FGFR1: variants seen among roughly 807,000 people sequenced by gnomAD.
FGFR1 encodes the protein FGFR1/PLAG1 fusion.
Under a neutral mutation model 93.7 loss-of-function variants are expected in FGFR1, and 18 were observed. The observed-to-expected ratio is 0.19, with a 90% CI of 0.13 to 0.28. The LOEUF is 0.28. Ranked by LOEUF, FGFR1 falls within the 10% of genes least tolerant of loss-of-function variation. The probability of loss-of-function intolerance (pLI) is 1.00; values close to 1 mark genes in which losing one functional copy is unlikely to be tolerated. For missense variants in FGFR1, 731 were observed against 1,080.4 expected (o/e 0.68, Z 4.53); for synonymous variants, 448 against 429.3 (o/e 1.04, Z -0.54).
At chr8:38,444,980 C>T (rs1005993315) in intron 2 of FGFR1, among the ~76,000 whole-genome samples, 1 of 152,156 alleles carries the variant, frequency 6.6e-6, no homozygotes, top group African/African-American at 2.4e-5. Context: ...CAGATGACAG[C>T]TGATCACTTA....
At position 38,428,420 on chromosome 8, in the gene FGFR1, G is replaced by A. The variant is rs121913473; in HGVS notation, c.374C>T (p.Ser125Leu). 1.7e-5 allele frequency: 28 copies of A among 1,612,688 alleles called. No homozygotes were observed. The highest frequency in any genetic ancestry group is 4.5e-5 in the East Asian group (2 of 44,876). Reference protein sequence around the residue: ...SVNVSDALPSSEDDDDDDDSS... With the variant: ...SVNVSDALPSLEDDDDDDDSS... ...GTCATCATCATCATCATCATCCTCC[G>A]AGGAGGGGAGAGCATCTATGGGAAG... Residue 125 changes from serine (S) to leucine (L), a missense_variant, in exon 4 of 18, where the codon TCG becomes TTG. Physicochemically the swap from Ser to Leu is moderately radical, Grantham distance 145. Coordinates refer to ENST00000447712, the MANE Select transcript of FGFR1 (RefSeq NM_023110.3).
intron 2 of FGFR1, 159 bp from the exon 3 acceptor site, chr8:38,430,107 T>C: frequency 1.4e-6 from 1 of 708,612 alleles, no homozygotes. Context: ...GCAGTGGGAA[T>C]TGGAGCATGG....
At chr8:38,442,362 G>GGTGTGTGTGTGTGTGTGTGTGTGTGT (rs56889687) in intron 2 of FGFR1, among the ~76,000 whole-genome samples, 7 of 145,980 alleles carry the variant, frequency 4.8e-5, no homozygotes, top group East Asian at 2.0e-4. Flanking sequence ...TTGTTAAAGT[G>GGTGTGTGTGTGTGTGTGTGTGTGTGT]GTGTGTGTGT....
rs773444188 is a variant in FGFR1, at chr8:38,414,549, A to G, written c.2048+10T>C. 6.2e-7 allele frequency: 1 copy of G among 1,614,030 alleles called. No individual in the cohort carries two copies. The highest frequency in any genetic ancestry group is 8.5e-7 in the Non-Finnish European group (1 of 1,179,958). ...CCACACCTCCCTGGCAATTGCTATTACAAACTCACACATCACTCTGGTGGG... is the reference window on the plus strand; with the variant it reads ...CCACACCTCCCTGGCAATTGCTATTGCAAACTCACACATCACTCTGGTGGG... On this transcript the variant is annotated intron_variant, in intron 15 of 17. Transcript: ENST00000447712.
intron 2 of FGFR1, chr8:38,434,495 T>G: frequency 2.5e-6 from 1 of 398,368 alleles, no homozygotes; most frequent in South Asian, 2.6e-5. Flanking sequence ...GCTTGTGGAT[T>G]CTCATCTGGA....
chr8:38,444,259 G>C (rs906737528), intron 2 of FGFR1, among the ~76,000 whole-genome samples: 2 of 152,042 alleles, frequency 1.3e-5, no homozygotes. Flanking sequence ...TGGACCCAGA[G>C]ACTGCTTCAT....
Position 38,413,858 on chromosome 8 carries a change from G to A in FGFR1, c.2293-54C>T, listed in dbSNP as rs1815269052. The A allele has an allele frequency of 6.2e-7, 1 of 1,613,530 alleles. No individual in the cohort carries two copies. Among genetic ancestry groups the A allele is most frequent in the Non-Finnish European group, 8.5e-7 (1 of 1,179,622 alleles). On this transcript the variant is annotated intron_variant, in intron 17 of 17. Transcript: ENST00000447712. This position sits in a 1 kb window ranked among gnomAD's most constrained non-coding sequence, Gnocchi z 4.2. ...GGCCGGGCCCCTCCTCCCTGCTCAG[G>A]GAGGTGCGTGCACGCAGTGGGGACG... is the stretch of plus-strand genomic sequence containing the variant.
Position 38,418,282 on chromosome 8 carries a change from C to G in FGFR1, c.1376G>C (p.Gly459Ala), listed in dbSNP as rs1463733617. ...TTCGGGAAGCTCATACTCAGAGACC[C>G]CTGCTAGCATGGGAGTCCCACTGGA... ...LSSSGTPMLA[G>A]VSEYELPEDP... The change falls in exon 10 of 18, where the codon GGG becomes GCG. Residue 459 changes from glycine (G) to alanine (A), a missense_variant. Gly to Ala is a moderately conservative substitution (Grantham distance 60). This residue lies in a region of FGFR1 where 146 missense variants were observed against 173.0 expected (regional missense o/e 0.84). Transcript: ENST00000447712. 1.2e-6 allele frequency: 2 copies of G among 1,614,202 alleles called. No individual in the cohort carries two copies. The highest frequency in any genetic ancestry group is 1.7e-6 in the Non-Finnish European group (2 of 1,180,040).
chr8:38,431,078 C>G (rs1822931852), intron 2 of FGFR1, among the ~76,000 whole-genome samples: 1 of 152,336 alleles, frequency 6.6e-6, no homozygotes, highest in South Asian at 2.1e-4. Context: ...TTGGAGAGGA[C>G]TTTTCTCACC....
chr8:38,426,373 G>T lies in FGFR1; in HGVS notation c.622-128C>A. 2 of 1,365,136 alleles carry T rather than the reference G, an allele frequency of 1.5e-6. No homozygotes were observed. The highest frequency in any genetic ancestry group is 1.4e-5 in the African/African-American group (1 of 70,344). The allele number at this position is 1,365,136 out of a possible 1,614,324, so 84.6% of individuals were successfully genotyped here. A position where few individuals can be genotyped will look rare whatever the true frequency, so the allele number is the denominator to read the frequency against. On this transcript the variant is annotated intron_variant, in intron 5 of 17. Coordinates refer to ENST00000447712, the MANE Select transcript of FGFR1 (RefSeq NM_023110.3). The surrounding 1 kb of genome is among the most constrained non-coding windows in gnomAD (Gnocchi z 4.1). ...GGTGGCACAGGGCCCCAGGCTGCAG[G>T]GTTGGCTAGGACAAGGCGTGGATTG...
At chr8:38,416,269 T>A (rs371432013) in intron 12 of FGFR1, among the ~76,000 whole-genome samples, 1 of 152,060 alleles carries the variant, frequency 6.6e-6, no homozygotes, top group African/African-American at 2.4e-5. Flanking sequence ...CCGAGCAACA[T>A]TGGGGTAAGA....
chr8:38,467,874 C>A (rs960522928), intron 1 of FGFR1, 107 bp downstream of exon 1: 2 of 227,670 alleles, frequency 8.8e-6, no homozygotes, highest in African/African-American at 4.5e-5. Context: ...GAGGCGCCGG[C>A]CCCGGCTGGG....
intron 1 of FGFR1, among the ~76,000 whole-genome samples, chr8:38,459,395 C>T (rs1027753698): frequency 6.6e-6 from 1 of 152,204 alleles, no homozygotes; most frequent in South Asian, 2.1e-4. Context: ...GCGGGATACA[C>T]ATGCCACACC....
intron 3 of FGFR1, 34 bp from the exon 4 acceptor site, chr8:38,428,469 C>CT: frequency 6.5e-7 from 1 of 1,539,846 alleles, no homozygotes; most frequent in Non-Finnish European, 8.9e-7. Context: ...GAGGTTCCTC[C>CT]TAGGGACCCC....
intron 2 of FGFR1, among the ~76,000 whole-genome samples, chr8:38,444,051 C>CAAAAAAAAAAAAA (rs746296068): frequency 1.3e-5 from 1 of 74,352 alleles, no homozygotes; most frequent in African/African-American, 5.0e-5. Flanking sequence ...GAAACTGTCT[C>CAAAAAAAAAAAAA]AAAAAAAAAA....
At chr8:38,445,323 C>T (rs1057436725) in intron 2 of FGFR1, among the ~76,000 whole-genome samples, 1 of 152,216 alleles carries the variant, frequency 6.6e-6, no homozygotes, top group Non-Finnish European at 1.5e-5. Context: ...TGGGGTGCTT[C>T]TCCAGAATCT....
intron 2 of FGFR1, among the ~76,000 whole-genome samples, chr8:38,439,075 T>C (rs568947548): frequency 1.3e-5 from 2 of 152,324 alleles, no homozygotes; most frequent in African/African-American, 4.8e-5. Context: ...TGTTTTGGCA[T>C]TGCACTTAAT....
rs751840290 is a variant in FGFR1, at chr8:38,415,949, T to G, written c.1775A>C (p.Glu592Ala). 1 of 1,613,970 alleles carries G rather than the reference T, an allele frequency of 6.2e-7. No homozygotes were observed. Among genetic ancestry groups the G allele is most frequent in the African/African-American group, 1.3e-5 (1 of 74,924 alleles). The change falls in exon 13 of 18, where the codon GAG becomes GCG. Residue 592 changes from glutamate (E) to alanine (A), a missense_variant. By Grantham distance (107) the Glu-to-Ala change is moderately radical. Coordinates refer to ENST00000447712, the MANE Select transcript of FGFR1 (RefSeq NM_023110.3). The stretch of plus-strand genomic sequence containing the variant: ...CAGGTCCTTGGAGGAGAGCTGCTCC[T>G]CTGGGTTGTGGCTGGGGTTGTAGCA... ...EYCYNPSHNPEEQLSSKDLVS... is the reference protein window; with the variant it reads ...EYCYNPSHNPAEQLSSKDLVS...
At chr8:38,467,926 G>C (rs1835909423) in intron 1 of FGFR1, 55 bp downstream of exon 1, 1 of 217,074 alleles carries the variant, frequency 4.6e-6, no homozygotes, top group Non-Finnish European at 9.3e-6. Flanking sequence ...TCCGGCGCCG[G>C]GGGCCGCTCG....
Sources: gnomAD v4.1 joint callset for allele counts (sites outside exome capture counted in the v4.1 genomes callset) on GRCh38, gnomAD v4.1.1 for gene constraint, gnomAD v4.1.1 regional missense constraint, Gnocchi (gnomAD v3.1) non-coding constraint, MANE v1.5 for transcripts, NCBI Gene and HGNC (gene_info 2026-07-23, HGNC 2026-07-21) for gene names.